KLHL40: variants seen among roughly 807,000 people sequenced by gnomAD.
KLHL40 encodes the protein kelch-like protein 40.
A neutral mutation model predicts 49.7 loss-of-function variants in KLHL40; 44 were observed. The ratio of observed to expected loss-of-function variants is 0.89; its 90% confidence interval spans 0.70 to 1.14. The LOEUF is 1.14. Among genes scored for constraint, KLHL40 ranks in the 50% most tolerant of loss-of-function variants. KLHL40 has a pLI of 0.00. For synonymous variants in KLHL40, 409 were observed against 365.2 expected, an observed-to-expected ratio of 1.12 and a Z score of -1.37; for missense variants, 892 against 850.3, an observed-to-expected ratio of 1.05 and a Z score of -0.61.
chr3:42,688,242 G>T lies in KLHL40; in HGVS notation c.1253G>T (p.Gly418Val), dbSNP rs1697303545. ...GEALNSIYVVGGREIKDGERC... is the reference protein window; with the variant it reads ...GEALNSIYVVVGREIKDGERC... ...GCTCTCAACTCCATCTACGTGGTCG[G>T]TGGCAGAGAGATCAAGGACGGCGAG... Residue 418 changes from glycine to valine, a missense_variant, in exon 2 of 6, where the codon GGT (glycine) becomes GTT (valine). Gly to Val is a moderately radical substitution (Grantham distance 109, BLOSUM62 -3). Coordinates refer to ENST00000287777, the MANE Select transcript of KLHL40 (RefSeq NM_152393.4). This position sits in a 1 kb window ranked among gnomAD's most constrained non-coding sequence, Gnocchi z 4.2. 1.2e-6 allele frequency: 2 copies of T among 1,613,926 alleles called. No homozygotes were observed. The highest frequency in any genetic ancestry group is 3.3e-5 in the Admixed American group (2 of 59,994).
Position 42,685,752 on chromosome 3 carries a change from C to T in KLHL40, c.134C>T (p.Pro45Leu), listed in dbSNP as rs1482725995. The stretch of plus-strand genomic sequence containing the variant: ...GTGCGGGCGGGCGAGCGCGAGTTCC[C>T]GTGCCATCGCCTGGTGCTGGCCGCC... ...CVVRAGEREF[P>L]CHRLVLAACS... Residue 45 changes from proline to leucine, a missense_variant, in exon 1 of 6, where the codon CCG (proline) becomes CTG (leucine). Physicochemically the swap from Pro to Leu is moderately conservative, Grantham distance 98 (BLOSUM62 -3). Coordinates refer to ENST00000287777, the MANE Select transcript of KLHL40 (RefSeq NM_152393.4). 4.0e-5 allele frequency: 65 copies of T among 1,612,372 alleles called. No homozygotes were observed. Among genetic ancestry groups the T allele is most frequent in the Non-Finnish European group, 5.3e-5 (63 of 1,179,678 alleles).
chr3:42,691,130 A>G, intron 5 of KLHL40, 125 bp downstream of exon 5: 5 of 958,438 alleles, frequency 5.2e-6, no homozygotes, highest in Non-Finnish European at 7.5e-6. Flanking sequence ...TCTTCTAGGG[A>G]GTCCTGTAGG....
Position 42,690,977 on chromosome 3 carries a change from G to A in KLHL40, c.1726G>A (p.Val576Ile), listed in dbSNP as rs755174518. Reference sequence around the variant, plus strand: ...ACTGGAGACGGAGTCTGGAGAGCTGGTTCCCACAGAGCTCAATGACATCTG... The same window carrying A: ...ACTGGAGACGGAGTCTGGAGAGCTGATTCCCACAGAGCTCAATGACATCTG... ...ATLETESGEL[V>I]PTELNDIWRY... Residue 576 changes from valine to isoleucine, a missense_variant, in exon 5 of 6, where the codon GTT (valine) becomes ATT (isoleucine). By Grantham distance (29) the Val-to-Ile change is conservative. Transcript: ENST00000287777. The A allele has an allele frequency of 2.5e-6, 4 of 1,612,964 alleles. No individual in the cohort carries two copies. Among genetic ancestry groups the A allele is most frequent in the South Asian group, 1.1e-5 (1 of 90,940 alleles).
Position 42,688,993 on chromosome 3 carries a change from G to T in KLHL40, c.1546G>T (p.Ala516Ser). 1.2e-6 allele frequency: 2 copies of T among 1,614,216 alleles called. No individual in the cohort carries two copies. Among genetic ancestry groups the T allele is most frequent in the African/African-American group, 1.3e-5 (1 of 75,056 alleles). Residue 516 changes from alanine (A) to serine (S), a missense_variant, in exon 4 of 6, where the codon GCT (alanine) becomes TCT (serine). By Grantham distance (99) the Ala-to-Ser change is moderately conservative. Transcript: ENST00000287777. The surrounding 1 kb of genome is among the most constrained non-coding windows in gnomAD (Gnocchi z 4.2). ...CCATGATGGCCGCATTATCGTGGCA[G>T]CTGGGGTCACCGACACAGGGCTGAC... Reference protein sequence around the residue: ...TVHDGRIIVAAGVTDTGLTSS... With the variant: ...TVHDGRIIVASGVTDTGLTSS...
At position 42,685,624 on chromosome 3, in the gene KLHL40, G is replaced by C; in HGVS notation, c.6G>C (p.Ala2=). 5 of 1,592,968 alleles carry C rather than the reference G, an allele frequency of 3.1e-6. No individual in the cohort carries two copies. Among genetic ancestry groups the C allele is most frequent in the Non-Finnish European group, 4.3e-6 (5 of 1,169,644 alleles). M[A]LGLEQAEEQR... is the part of the protein sequence containing the mutation. The stretch of plus-strand genomic sequence containing the variant: ...CGCACCCTAGGCCACCCACCATGGC[G>C]CTGGGCTTGGAGCAGGCGGAGGAGC... Residue 2 remains alanine, a synonymous_variant, in exon 1 of 6, where the codon GCG becomes GCC. Coordinates refer to ENST00000287777, the MANE Select transcript of KLHL40 (RefSeq NM_152393.4).
intron 5 of KLHL40, among the ~76,000 whole-genome samples, 153 bp downstream of exon 5, chr3:42,691,158 C>A (rs1697358867): frequency 6.6e-6 from 1 of 152,160 alleles, no homozygotes; most frequent in Non-Finnish European, 1.5e-5. Context: ...AGCCAACATA[C>A]CCTGCTTGGC....
intron 4 of KLHL40, among the ~76,000 whole-genome samples, chr3:42,690,597 G>A (rs1697347807): frequency 1.3e-5 from 2 of 152,110 alleles, no homozygotes; most frequent in Non-Finnish European, 2.9e-5. Context: ...GAGGAGTAGG[G>A]GCAGTGGGGA....
chr3:42,692,246 CCA>C lies in KLHL40; in HGVS notation c.*256_*257del. 1 of 518,818 alleles carries C rather than the reference CCA, an allele frequency of 1.9e-6. No individual in the cohort carries two copies. The highest frequency in any genetic ancestry group is 3.2e-5 in the East Asian group (1 of 30,854). 32.1% of individuals were successfully genotyped at this position (518,818 alleles called of 1,614,324 possible). ...GGTTGTCTTGATCCATGAACCAGAA[CCA>C]CAGGGCGGTATCCCAGGCCGTGTGC... On this transcript the variant is annotated 3_prime_UTR_variant, in exon 6 of 6. Transcript: ENST00000287777.
At position 42,686,651 on chromosome 3, in the gene KLHL40, A is replaced by G. The variant is rs773362367; in HGVS notation, c.1033A>G (p.Asn345Asp). The change falls in exon 1 of 6, where the codon AAC (asparagine) becomes GAC (aspartate). Residue 345 changes from asparagine to aspartate, a missense_variant. Asn to Asp is a conservative substitution (Grantham distance 23). Coordinates refer to ENST00000287777, the MANE Select transcript of KLHL40 (RefSeq NM_152393.4). The stretch of plus-strand genomic sequence containing the variant: ...CGAGTGCTACTGTGCTTCCCTCTCC[A>G]ACCAGGTCCCCAAGAACCACGTCAG... ...ANECYCASLS[N>D]QVPKNHVSLV... 1.2e-6 allele frequency: 2 copies of G among 1,614,012 alleles called. No homozygotes were observed. Among genetic ancestry groups the G allele is most frequent in the South Asian group, 1.1e-5 (1 of 91,078 alleles).
At chr3:42,689,208 G>A (rs1483033734) in intron 4 of KLHL40, among the ~76,000 whole-genome samples, 154 bp downstream of exon 4, 1 of 152,184 alleles carries the variant, frequency 6.6e-6, no homozygotes, top group Non-Finnish European at 1.5e-5. Context: ...CAGTGAGGTG[G>A]GGAGGCGGGG....
intron 5 of KLHL40, among the ~76,000 whole-genome samples, chr3:42,691,448 C>A (rs984132265): frequency 6.6e-6 from 1 of 152,060 alleles, no homozygotes; most frequent in African/African-American, 2.4e-5. Context: ...GAGAAGGAAA[C>A]TTTAGCCTCT....
intron 1 of KLHL40, among the ~76,000 whole-genome samples, chr3:42,687,854 C>T (rs1697298265): frequency 6.6e-6 from 1 of 152,002 alleles, no homozygotes; most frequent in East Asian, 1.9e-4. Context: ...CCTGGGAAAG[C>T]AAGGCCATAG....
rs1241989146 is a variant in KLHL40, at chr3:42,686,785, T to G, written c.1152+15T>G. 1 of 1,589,458 alleles carries G rather than the reference T, an allele frequency of 6.3e-7. No individual in the cohort carries two copies. Among genetic ancestry groups the G allele is most frequent in the South Asian group, 1.2e-5 (1 of 86,618 alleles). On this transcript the variant is annotated intron_variant, in intron 1 of 5. Transcript: ENST00000287777. ...ACTTCCTGCAGGTGCCTGACCAGCC[T>G]TGGGAGCCGCCAGCTAATGCTGGGC... is the stretch of plus-strand genomic sequence containing the variant.
rs376290331 is a variant in KLHL40, at chr3:42,688,047, G to A, written c.1153-95G>A. ...CTGTATTGGCCCTACCTGGGTTCCC[G>A]ACCTCCTCCGTGATCTGGGGCAGTG... On this transcript the variant is annotated intron_variant, in intron 1 of 5. Coordinates refer to ENST00000287777, the MANE Select transcript of KLHL40 (RefSeq NM_152393.4). The surrounding 1 kb of genome is among the most constrained non-coding windows in gnomAD (Gnocchi z 4.2). 1.5e-5 allele frequency: 23 copies of A among 1,509,312 alleles called. No individual in the cohort carries two copies. The highest frequency in any genetic ancestry group is 2.0e-4 in the Middle Eastern group (1 of 4,914). 93.5% of individuals were successfully genotyped at this position (1,509,312 alleles called of 1,614,324 possible).
At chr3:42,687,924 A>G (rs528243485) in intron 1 of KLHL40, among the ~76,000 whole-genome samples, 2 of 152,136 alleles carry the variant, frequency 1.3e-5, no homozygotes, top group Admixed American at 6.5e-5. Flanking sequence ...ACCGCCTGCT[A>G]TAATGGTGGT....
Position 42,686,263 on chromosome 3 carries a change from C to G in KLHL40, c.645C>G (p.Arg215=). 3 of 1,556,108 alleles carry G rather than the reference C, an allele frequency of 1.9e-6. No homozygotes were observed. In the South Asian group the frequency reaches 3.5e-5, roughly 18 times the overall value. Residue 215 remains arginine, a synonymous_variant, in exon 1 of 6, where the codon CGC becomes CGG. Coordinates refer to ENST00000287777, the MANE Select transcript of KLHL40 (RefSeq NM_152393.4). ...GDAEAQAERQ[R]ALPTVFESVR... is the part of the protein sequence containing the mutation. ...CCGAGGCGCAGGCTGAGCGCCAGCG[C>G]GCGCTGCCCACCGTCTTCGAGAGCG...
rs1265990439 is a variant in KLHL40 at position 42,688,207 on chromosome 3, C to A, written c.1218C>A (p.Gly406=). 1 of 1,613,926 alleles carries A rather than the reference C, an allele frequency of 6.2e-7. No homozygotes were observed. The highest frequency in any genetic ancestry group is 1.7e-5 in the Admixed American group (1 of 60,020). The change falls in exon 2 of 6, where the codon GGC becomes GGA. Residue 406 remains glycine (G), a synonymous_variant. Coordinates refer to ENST00000287777, the MANE Select transcript of KLHL40 (RefSeq NM_152393.4). This position sits in a 1 kb window ranked among gnomAD's most constrained non-coding sequence, Gnocchi z 4.2. ...PPLPSPRCLF[G]LGEALNSIYV... ...TGCCCTCGCCCCGCTGCCTCTTTGG[C>A]CTGGGAGAAGCTCTCAACTCCATCT...
chr3:42,690,008 G>A (rs1348842850), intron 4 of KLHL40, among the ~76,000 whole-genome samples: 1 of 152,180 alleles, frequency 6.6e-6, no homozygotes, highest in Non-Finnish European at 1.5e-5. Context: ...TTCTGAGTGA[G>A]GGTGGGAGGC....
intron 5 of KLHL40, among the ~76,000 whole-genome samples, chr3:42,691,377 C>T (rs1022819633): frequency 9.2e-5 from 14 of 152,124 alleles, no homozygotes; most frequent in Non-Finnish European, 1.3e-4. Flanking sequence ...GGCTGGGAAA[C>T]AGTTGGAGCC....
Sources: allele counts gnomAD v4.1 joint callset (sites outside exome capture counted in the v4.1 genomes callset), GRCh38; gene constraint gnomAD v4.1.1; non-coding constraint Gnocchi (gnomAD v3.1); transcripts MANE v1.5; gene names NCBI Gene and HGNC (gene_info 2026-07-23, HGNC 2026-07-21).